Variants in SLC22A23 observed in about 807,000 individuals in gnomAD.
SLC22A23 encodes solute carrier family 22 member 23.
A neutral mutation model predicts 61.0 loss-of-function variants in SLC22A23; 26 were observed. The observed-to-expected ratio is 0.43, with a 90% CI of 0.31 to 0.59. The LOEUF is 0.59. Ranked by LOEUF, SLC22A23 falls within the 20% of genes least tolerant of loss-of-function variation. The pLI is 0.11. For synonymous variants in SLC22A23, 430 were observed against 413.9 expected (o/e 1.04, Z -0.47); for missense variants, 796 against 934.7 (o/e 0.85, Z 1.94).
At chr6:3,455,880 A>T (rs1772375961) in intron 1 of SLC22A23, 26 bp downstream of exon 1, 1 of 1,475,384 alleles carries the variant, frequency 6.8e-7, no homozygotes, top group African/African-American at 1.4e-5. Flanking sequence ...AGAGGGTTGG[A>T]GGGACTGGGC....
chr6:3,440,082 A>C (rs1444193819), intron 1 of SLC22A23, among the ~76,000 whole-genome samples: 1 of 152,114 alleles, frequency 6.6e-6, no homozygotes, highest in Non-Finnish European at 1.5e-5. Context: ...GGGTCCAAGG[A>C]CCAAAACACT....
At chr6:3,325,966 T>C (rs1763256457) in intron 3 of SLC22A23, among the ~76,000 whole-genome samples, 1 of 152,218 alleles carries the variant, frequency 6.6e-6, no homozygotes, top group Admixed American at 6.5e-5. Flanking sequence ...TCAATACCTC[T>C]CTTTAGTGAC....
intron 9 of SLC22A23, among the ~76,000 whole-genome samples, chr6:3,279,238 T>C (rs1041266081): frequency 4.0e-5 from 6 of 151,864 alleles, no homozygotes; most frequent in African/African-American, 1.5e-4. Flanking sequence ...TGGCCGGGCA[T>C]GGTGGCTCAT....
intron 4 of SLC22A23, chr6:3,313,770 C>T (rs985158142): frequency 7.9e-5 from 12 of 151,816 alleles, no homozygotes; most frequent in African/African-American, 2.7e-4. Flanking sequence ...CTTGTAATCC[C>T]AGCATTTTGG....
Position 3,330,471 on chromosome 6 carries a change from G to A in SLC22A23, c.914-6469C>T, listed in dbSNP as rs1276630722. On this transcript the variant is annotated intron_variant, in intron 3 of 9. Transcript: ENST00000406686. The surrounding 1 kb of genome is among the most constrained non-coding windows in gnomAD (Gnocchi z 4.7). Reference sequence around the variant, plus strand: ...CTCACCATCTCCCAGACCACCATGCGAGCCTCTCTCCTCTTCCCTGCACCC... The same window carrying A: ...CTCACCATCTCCCAGACCACCATGCAAGCCTCTCTCCTCTTCCCTGCACCC... Among the ~76,000 whole-genome samples the A allele has an allele frequency of 2.6e-5, 4 of 152,106 alleles. No homozygotes were observed. The highest frequency in any genetic ancestry group is 3.9e-4 in the East Asian group (2 of 5,194).
rs1276123988 is a variant in SLC22A23 at position 3,414,388 on chromosome 6, T to C, written c.758+1364A>G. 1.3e-5 allele frequency among the ~76,000 whole-genome samples: 2 copies of C among 151,978 alleles called. No individual in the cohort carries two copies. Among genetic ancestry groups the C allele is most frequent in the Non-Finnish European group, 2.9e-5 (2 of 67,994 alleles). ...TCTACCAAAGAAAGCCCCCAAGAGG[T>C]CCCCTGCGTAGGTCTCCAGAGGTCA... On this transcript the variant is annotated intron_variant, in intron 2 of 9. Coordinates refer to ENST00000406686, the MANE Select transcript of SLC22A23 (RefSeq NM_015482.2). The surrounding 1 kb of genome is among the most constrained non-coding windows in gnomAD (Gnocchi z 5.1).
intron 1 of SLC22A23, among the ~76,000 whole-genome samples, chr6:3,421,433 C>T (rs1489347410): frequency 6.6e-6 from 1 of 152,062 alleles, no homozygotes; most frequent in Non-Finnish European, 1.5e-5. Context: ...TCAATGATAC[C>T]ATAGTGCCAT....
Position 3,414,774 on chromosome 6 carries a change from G to C in SLC22A23, c.758+978C>G, listed in dbSNP as rs1411211735. 2.0e-5 allele frequency among the ~76,000 whole-genome samples: 3 copies of C among 151,792 alleles called. No individual in the cohort carries two copies. Among genetic ancestry groups the C allele is most frequent in the African/African-American group, 7.3e-5 (3 of 41,280 alleles). On this transcript the variant is annotated intron_variant, in intron 2 of 9. Coordinates refer to ENST00000406686, the MANE Select transcript of SLC22A23 (RefSeq NM_015482.2). This position sits in a 1 kb window ranked among gnomAD's most constrained non-coding sequence, Gnocchi z 5.1. ...TTAAAGATAAAAGAATGTAAGCTGG[G>C]GAGACAGTTACACTACGCCTCTCTC...
chr6:3,427,019 G>A lies in SLC22A23; in HGVS notation c.655-11164C>T, dbSNP rs1581870355. 6.6e-6 allele frequency among the ~76,000 whole-genome samples: 1 copy of A among 152,366 alleles called. No individual in the cohort carries two copies. Among genetic ancestry groups the A allele is most frequent in the East Asian group, 1.9e-4 (1 of 5,188 alleles). On this transcript the variant is annotated intron_variant, in intron 1 of 9. Coordinates refer to ENST00000406686, the MANE Select transcript of SLC22A23 (RefSeq NM_015482.2). This position sits in a 1 kb window ranked among gnomAD's most constrained non-coding sequence, Gnocchi z 4.3. ...ATTCAGAGCCTAAAGTGGGGTCTGA[G>A]CCAGCTTGCGAATGTGCTGTCAAGC... is the stretch of plus-strand genomic sequence containing the variant.
At position 3,414,324 on chromosome 6, in the gene SLC22A23, C is replaced by A. The variant is rs1769509738; in HGVS notation, c.758+1428G>T. Among the ~76,000 whole-genome samples the A allele has an allele frequency of 6.6e-6, 1 of 152,084 alleles. No homozygotes were observed. The highest frequency in any genetic ancestry group is 6.6e-5 in the Admixed American group (1 of 15,266). On this transcript the variant is annotated intron_variant, in intron 2 of 9. Coordinates refer to ENST00000406686, the MANE Select transcript of SLC22A23 (RefSeq NM_015482.2). The surrounding 1 kb of genome is among the most constrained non-coding windows in gnomAD (Gnocchi z 5.1). Reference sequence around the variant, plus strand: ...ATAGCCCACACTAGAAACCTATGAACTCAAGTATTTGGTTTAAAAAAATAA... The same window carrying A: ...ATAGCCCACACTAGAAACCTATGAAATCAAGTATTTGGTTTAAAAAAATAA...
chr6:3,400,080 G>A lies in SLC22A23; in HGVS notation c.913+10108C>T, dbSNP rs190093864. 2.8e-4 allele frequency among the ~76,000 whole-genome samples: 43 copies of A among 152,268 alleles called. No homozygotes were observed. In the East Asian group the frequency reaches 7.5e-3, roughly 27 times the overall value. On this transcript the variant is annotated intron_variant, in intron 3 of 9. Coordinates refer to ENST00000406686, the MANE Select transcript of SLC22A23 (RefSeq NM_015482.2). Reference sequence around the variant, plus strand: ...TTTAATAGAGATGGGGTTTCACCATGTTGGTCAGGCTGGTCTCGAACTCCT... The same window carrying A: ...TTTAATAGAGATGGGGTTTCACCATATTGGTCAGGCTGGTCTCGAACTCCT...
At chr6:3,323,382 G>A in intron 4 of SLC22A23, 1 of 457,430 alleles carries the variant, frequency 2.2e-6, no homozygotes. Context: ...CAGACAGTGG[G>A]CCTGATGTGG....
chr6:3,449,828 G>A (rs1489731607), intron 1 of SLC22A23, among the ~76,000 whole-genome samples: 1 of 152,198 alleles, frequency 6.6e-6, no homozygotes, highest in Non-Finnish European at 1.5e-5. Flanking sequence ...GTGTGCAAAT[G>A]TCTGTGCATG....
intron 6 of SLC22A23, 64 bp downstream of exon 6, chr6:3,289,700 A>C: frequency 7.2e-7 from 1 of 1,385,342 alleles, no homozygotes. Flanking sequence ...CCTGGGCTTC[A>C]CCACTCCCCA....
At chr6:3,436,598 T>A (rs1384341989) in intron 1 of SLC22A23, among the ~76,000 whole-genome samples, 1 of 152,098 alleles carries the variant, frequency 6.6e-6, no homozygotes, top group Non-Finnish European at 1.5e-5. Flanking sequence ...AGGGCGCACA[T>A]CCCAGGGATT....
At chr6:3,301,171 A>G (rs1422199832) in intron 4 of SLC22A23, among the ~76,000 whole-genome samples, 1 of 151,934 alleles carries the variant, frequency 6.6e-6, no homozygotes, top group Non-Finnish European at 1.5e-5. Context: ...CCTAACACAA[A>G]TGCCACCCCC....
intron 5 of SLC22A23, among the ~76,000 whole-genome samples, chr6:3,294,494 A>T (rs1251084406): frequency 6.6e-6 from 1 of 152,120 alleles, no homozygotes; most frequent in Non-Finnish European, 1.5e-5. Flanking sequence ...AATCCCCAAA[A>T]CACTTCTGGT....
intron 2 of SLC22A23, among the ~76,000 whole-genome samples, chr6:3,412,381 G>T (rs1769327499): frequency 1.3e-5 from 2 of 152,166 alleles, no homozygotes. Flanking sequence ...GTTCAAACGA[G>T]CCTGGAGTTC....
At chr6:3,288,822 C>A (rs1423653986) in intron 6 of SLC22A23, among the ~76,000 whole-genome samples, 1 of 152,236 alleles carries the variant, frequency 6.6e-6, no homozygotes, top group Admixed American at 6.5e-5. Context: ...CGGTCCCTGG[C>A]CTTGGTCTCT....
Sources: gnomAD v4.1 joint callset for allele counts (sites outside exome capture counted in the v4.1 genomes callset) on GRCh38, gnomAD v4.1.1 for gene constraint, Gnocchi (gnomAD v3.1) non-coding constraint, MANE v1.5 for transcripts, NCBI Gene and HGNC (gene_info 2026-07-23, HGNC 2026-07-21) for gene names.